B4GALT6: variants seen among roughly 807,000 people sequenced by gnomAD.
The protein encoded by B4GALT6 is UDP-Gal:beta-GlcNAc beta-1,4-galactosyltransferase 6.
B4GALT6 carries 14 observed loss-of-function variants against 46.3 expected under a neutral mutation model. The ratio of observed to expected loss-of-function variants is 0.30; its 90% CI spans 0.20 to 0.47. The LOEUF is 0.47. Ranked by LOEUF, B4GALT6 falls within the 20% of genes least tolerant of loss-of-function variation. The probability of loss-of-function intolerance (pLI) is 0.99; values close to 1 mark genes in which losing one functional copy is unlikely to be tolerated. For missense variants in B4GALT6, 386 were observed against 480.1 expected (o/e 0.80, Z 1.83); for synonymous variants, 168 against 162.0 (o/e 1.04, Z -0.28).
chr18:31,701,931 TAAG>T, the B4GALT6 span, among the ~76,000 whole-genome samples: 5 of 152,174 alleles, frequency 3.3e-5, no homozygotes, highest in Middle Eastern at 3.4e-3. Flanking sequence ...AGCACTTACA[TAAG>T]AAGAATATAT....
chr18:31,629,656 T>C (rs2073754346), intron 6 of B4GALT6, among the ~76,000 whole-genome samples: 1 of 150,610 alleles, frequency 6.6e-6, no homozygotes. Context: ...AAGACTATCT[T>C]GGCTAACACA....
the B4GALT6 span, among the ~76,000 whole-genome samples, chr18:31,704,659 A>C: frequency 6.6e-6 from 1 of 152,212 alleles, no homozygotes; most frequent in Non-Finnish European, 1.5e-5. Context: ...TACAATATGT[A>C]GGGTTTTGCT....
intron 3 of B4GALT6, among the ~76,000 whole-genome samples, chr18:31,654,057 C>T (rs1463529919): frequency 6.6e-6 from 1 of 152,108 alleles, no homozygotes; most frequent in African/African-American, 2.4e-5. Flanking sequence ...CTCAAGAAGT[C>T]CTTGGAGCTT....
chr18:31,714,673 G>A, the B4GALT6 span, among the ~76,000 whole-genome samples: 2 of 152,212 alleles, frequency 1.3e-5, no homozygotes, highest in Non-Finnish European at 2.9e-5. Context: ...ATATGTACCT[G>A]AAGTTTCTAC....
intron 4 of B4GALT6, among the ~76,000 whole-genome samples, chr18:31,642,112 A>T (rs962424432): frequency 6.6e-6 from 1 of 152,198 alleles, no homozygotes; most frequent in African/African-American, 2.4e-5. Context: ...ACTTGGTTAA[A>T]AATGCAAGTT....
intron 1 of B4GALT6, among the ~76,000 whole-genome samples, chr18:31,672,234 C>T (rs2074364993): frequency 6.6e-6 from 1 of 152,162 alleles, no homozygotes; most frequent in African/African-American, 2.4e-5. Flanking sequence ...GCCACAGTTC[C>T]CAGGTCTCTT....
chr18:31,685,259 G>A (rs1259875306), upstream of B4GALT6, among the ~76,000 whole-genome samples: 1 of 150,556 alleles, frequency 6.6e-6, no homozygotes, highest in African/African-American at 2.4e-5. Context: ...CGCCCCCGCC[G>A]GGCCCGCGGA....
intron 2 of B4GALT6, among the ~76,000 whole-genome samples, chr18:31,661,759 AG>A (rs2074220328): frequency 6.6e-6 from 1 of 152,238 alleles, no homozygotes; most frequent in South Asian, 2.1e-4. Flanking sequence ...AAAATACAAA[AG>A]AAAAAAAAGT....
In B4GALT6 at chr18:31,644,264, G is replaced by A. The variant is rs181509547; in HGVS notation, c.471+1091C>T. On this transcript the variant is annotated intron_variant, in intron 4 of 8. Coordinates refer to ENST00000306851, the MANE Select transcript of B4GALT6 (RefSeq NM_004775.5). Reference sequence around the variant, plus strand: ...CAAAAAGGCTTTTATTTGCCTTATAGAGTCAATTCAACAAAACTGTGTTTA... The same window carrying A: ...CAAAAAGGCTTTTATTTGCCTTATAAAGTCAATTCAACAAAACTGTGTTTA... Among the ~76,000 whole-genome samples the A allele has an allele frequency of 3.0e-4, 46 of 152,324 alleles. 2 individuals carry two copies. Among genetic ancestry groups the A allele is most frequent in the Admixed American group, 2.0e-3 (31 of 15,294 alleles).
rs1324310928 is a variant in B4GALT6 at position 31,624,038 on chromosome 18, A to T, written c.*1576T>A. The T allele has an allele frequency of 6.6e-6, 1 of 152,008 alleles. No homozygotes were observed. The highest frequency in any genetic ancestry group is 1.5e-5 in the Non-Finnish European group (1 of 67,896). The allele number at this position is 152,008 out of a possible 1,614,324, so 9.4% of individuals were successfully genotyped here. On this transcript the variant is annotated 3_prime_UTR_variant, in exon 9 of 9. Coordinates refer to ENST00000306851, the MANE Select transcript of B4GALT6 (RefSeq NM_004775.5). The stretch of plus-strand genomic sequence containing the variant: ...CAAGATATTTTAAACAATCTTTATA[A>T]TTGCTAATTTTCAAAAAAGAATACT...
chr18:31,650,341 C>A (rs567548831), intron 3 of B4GALT6, among the ~76,000 whole-genome samples: 1 of 152,318 alleles, frequency 6.6e-6, no homozygotes, highest in African/African-American at 2.4e-5. Context: ...CACATTTCAA[C>A]GGCTTGAACT....
chr18:31,676,426 T>C (rs1277899055), intron 1 of B4GALT6, among the ~76,000 whole-genome samples: 2 of 152,124 alleles, frequency 1.3e-5, no homozygotes, highest in African/African-American at 4.8e-5. Context: ...GTTTAATAAG[T>C]TTTATTGATC....
At chr18:31,715,537 CTTTTTTTTTTTTTTTTTTTTT>C in the B4GALT6 span, among the ~76,000 whole-genome samples, 4 of 49,610 alleles carry the variant, frequency 8.1e-5, no homozygotes, top group Non-Finnish European at 1.3e-4. Context: ...CTGGAACTGT[CTTTTTTTTTTTTTTTTTTTTT>C]TTTTTTTTTG....
At chr18:31,658,997 G>A (rs181237201) in intron 2 of B4GALT6, among the ~76,000 whole-genome samples, 20 of 152,252 alleles carry the variant, frequency 1.3e-4, no homozygotes, top group Non-Finnish European at 2.5e-4. Flanking sequence ...GTTCTGAGAC[G>A]CAAATCTAGA....
chr18:31,667,135 G>A (rs1261618329), intron 1 of B4GALT6, among the ~76,000 whole-genome samples: 2 of 152,264 alleles, frequency 1.3e-5, no homozygotes, highest in African/African-American at 2.4e-5. Flanking sequence ...CTCCCCAGAG[G>A]CACAGAACTA....
intron 4 of B4GALT6, 145 bp downstream of exon 4, chr18:31,645,210 A>C: frequency 3.6e-6 from 4 of 1,096,132 alleles, no homozygotes; most frequent in Non-Finnish European, 5.2e-6. Context: ...TTTGAATTAT[A>C]AATAGTAAAC....
chr18:31,687,592 T>C (rs2029971388), upstream of B4GALT6, among the ~76,000 whole-genome samples: 1 of 152,224 alleles, frequency 6.6e-6, no homozygotes, highest in Non-Finnish European at 1.5e-5. Context: ...AAAAGTCTAT[T>C]TTTTAATGCC....
intron 5 of B4GALT6, among the ~76,000 whole-genome samples, chr18:31,632,510 G>A (rs192480716): frequency 4.6e-5 from 7 of 152,034 alleles, no homozygotes; most frequent in African/African-American, 7.2e-5. Flanking sequence ...CATTTATTCC[G>A]GTATTTATCT....
At chr18:31,671,906 A>G (rs2074361242) in intron 1 of B4GALT6, among the ~76,000 whole-genome samples, 1 of 152,232 alleles carries the variant, frequency 6.6e-6, no homozygotes, top group African/African-American at 2.4e-5. Context: ...CATCAGAAAA[A>G]AATTTAAAAA....
Sources: allele counts gnomAD v4.1 joint callset (sites outside exome capture counted in the v4.1 genomes callset), GRCh38; gene constraint gnomAD v4.1.1; transcripts MANE v1.5; gene names NCBI Gene and HGNC (gene_info 2026-07-23, HGNC 2026-07-21).